ZDHHC11B: variants seen among roughly 807,000 people sequenced by gnomAD.
ZDHHC11B encodes the protein probable palmitoyltransferase ZDHHC11B.
In ZDHHC11B, 17 loss-of-function variants were observed where a neutral mutation model predicts 42.3. That is an observed-to-expected ratio of 0.40 (90% confidence interval 0.27 to 0.60). ZDHHC11B has a LOEUF of 0.60. Among genes scored for constraint, ZDHHC11B ranks in the 20% least tolerant of loss-of-function variants. The pLI is 0.41. For synonymous variants in ZDHHC11B, 123 were observed against 193.5 expected (o/e 0.64, Z 3.02); for missense variants, 262 against 463.2 (o/e 0.57, Z 3.99).
intron 12 of ZDHHC11B, among the ~76,000 whole-genome samples, chr5:724,832 T>TGGAA (rs1267026462): frequency 6.7e-6 from 1 of 148,194 alleles, no homozygotes; most frequent in East Asian, 2.0e-4. Flanking sequence ...ACCCAGCACC[T>TGGAA]GGAAGCGACC....
intron 4 of ZDHHC11B, among the ~76,000 whole-genome samples, chr5:759,846 G>T (rs1440083662): frequency 2.6e-5 from 4 of 151,874 alleles, no homozygotes; most frequent in Non-Finnish European, 5.9e-5. Flanking sequence ...GAGCCGCCCG[G>T]GTCCCTGCAG....
At chr5:742,366 C>T (rs1439656124) in intron 9 of ZDHHC11B, among the ~76,000 whole-genome samples, 1 of 146,164 alleles carries the variant, frequency 6.8e-6, no homozygotes, top group African/African-American at 2.5e-5. Context: ...ACTTTGAAAG[C>T]TCTTTGTGTC....
At chr5:743,370 A>G (rs1366375185) in intron 9 of ZDHHC11B, among the ~76,000 whole-genome samples, 1 of 148,602 alleles carries the variant, frequency 6.7e-6, no homozygotes, top group Non-Finnish European at 1.5e-5. Context: ...TCTCAAAATC[A>G]TTTGGCTAGT....
At chr5:777,813 G>A (rs1736655612) in intron 1 of ZDHHC11B, among the ~76,000 whole-genome samples, 1 of 151,992 alleles carries the variant, frequency 6.6e-6, no homozygotes, top group South Asian at 2.1e-4. Context: ...CGCCAGTACT[G>A]CGCCACGCGC....
At chr5:725,060 G>T (rs1234633984) in intron 12 of ZDHHC11B, among the ~76,000 whole-genome samples, 1 of 151,024 alleles carries the variant, frequency 6.6e-6, no homozygotes, top group Non-Finnish European at 1.5e-5. Flanking sequence ...TAACCCCAGC[G>T]TTGTGTGTCA....
intron 1 of ZDHHC11B, among the ~76,000 whole-genome samples, chr5:772,335 C>T (rs1488323968): frequency 1.0e-4 from 15 of 147,060 alleles, no homozygotes; most frequent in African/African-American, 3.1e-4. Context: ...CATGAGAGCA[C>T]GGTGGGGGCC....
At chr5:724,191 G>A (rs1374331091) in intron 12 of ZDHHC11B, among the ~76,000 whole-genome samples, 4 of 150,724 alleles carry the variant, frequency 2.7e-5, no homozygotes, top group African/African-American at 7.4e-5. Flanking sequence ...ACACACTTAC[G>A]TGTTCCATCT....
rs1162923385 is a variant in ZDHHC11B, at chr5:723,088, C to T, written c.1059-6223G>A. 4.1e-5 allele frequency among the ~76,000 whole-genome samples: 5 copies of T among 120,558 alleles called. 1 individual carries two copies. The highest frequency in any genetic ancestry group is 1.8e-4 in the African/African-American group (5 of 27,356). The allele number at this position is 120,558 out of a possible 152,430, so 79.1% of individuals were successfully genotyped here. A position where few individuals can be genotyped will look rare whatever the true frequency, so the allele number is the denominator to read the frequency against. ...CAAGGACTTGGAATGGGGGCCCCAT[C>T]AACAGATAAAGATGATTCAGACTCC... On this transcript the variant is annotated intron_variant, in intron 12 of 13. Coordinates refer to ENST00000508859, the MANE Select transcript of ZDHHC11B (RefSeq NM_001351303.2).
Position 776,325 on chromosome 5 carries a change from C to A in ZDHHC11B, c.-229-7395G>T, listed in dbSNP as rs1290394820. Among the ~76,000 whole-genome samples, 74 of 152,022 alleles carry A rather than the reference C, an allele frequency of 4.9e-4. 1 individual carries two copies. Among genetic ancestry groups the A allele is most frequent in the African/African-American group, 1.8e-3 (74 of 41,460 alleles). Reference sequence around the variant, plus strand: ...TGGCACCGAAGCCCTGGGATGGCCCCTCTGCAACGCCCAGTGCTCCATCAT... The same window carrying A: ...TGGCACCGAAGCCCTGGGATGGCCCATCTGCAACGCCCAGTGCTCCATCAT... On this transcript the variant is annotated intron_variant, in intron 1 of 13. Transcript: ENST00000508859.
In ZDHHC11B at chr5:733,822, G is replaced by A. The variant is rs778525352; in HGVS notation, c.953C>T (p.Ser318Phe). The A allele has an allele frequency of 5.6e-6, 9 of 1,608,334 alleles. No homozygotes were observed. Among genetic ancestry groups the A allele is most frequent in the South Asian group, 4.4e-5 (4 of 90,890 alleles). ...SSAQGVKAKS[S>F]LLIYKCPCHF... ...ACATGGGCATTTGTAAATCAGCAGG[G>A]AGCTCTTGGCCTTGACTCTGGTGGG... Residue 318 changes from serine to phenylalanine, a missense_variant, in exon 11 of 14, where the codon TCC (serine) becomes TTC (phenylalanine). Physicochemically the swap from Ser to Phe is radical, Grantham distance 155. Around this residue, in one of 5 missense-constraint regions of ZDHHC11B, gnomAD observed 75 missense variants for 70.1 expected, o/e 1.07. Coordinates refer to ENST00000508859, the MANE Select transcript of ZDHHC11B (RefSeq NM_001351303.2).
intron 4 of ZDHHC11B, among the ~76,000 whole-genome samples, chr5:757,060 C>G (rs1479711962): frequency 6.6e-6 from 1 of 151,836 alleles, no homozygotes; most frequent in African/African-American, 2.4e-5. Context: ...AGCTTCCGCC[C>G]TCAGATACTG....
At chr5:766,976 A>G (rs759018143) in intron 3 of ZDHHC11B, 57 bp from the exon 4 acceptor site, 29 of 1,575,422 alleles carry the variant, frequency 1.8e-5, no homozygotes, top group Middle Eastern at 1.7e-4. Context: ...GGCCGGCCCC[A>G]CCCACTGTCA....
Position 743,332 on chromosome 5 carries a change from G to A in ZDHHC11B, c.901-1704C>T, listed in dbSNP as rs576312491. 3.4e-5 allele frequency among the ~76,000 whole-genome samples: 5 copies of A among 149,222 alleles called. 1 individual carries two copies. In the East Asian group the frequency reaches 1.0e-3, roughly 31 times the overall value. ...GCTTTATAGTAACATTTAAAGTCTGGTTGTGTAAGTTCTCCAATTTTATTT... is the reference window on the plus strand; with the variant it reads ...GCTTTATAGTAACATTTAAAGTCTGATTGTGTAAGTTCTCCAATTTTATTT... On this transcript the variant is annotated intron_variant, in intron 9 of 13. Transcript: ENST00000508859.
At chr5:765,411 G>C (rs79366234) in intron 4 of ZDHHC11B, among the ~76,000 whole-genome samples, 4 of 151,654 alleles carry the variant, frequency 2.6e-5, no homozygotes, top group East Asian at 1.9e-4. Flanking sequence ...GTGCTCTGTG[G>C]GGACTTGGAG....
Position 761,140 on chromosome 5 carries a change from T to C in ZDHHC11B, c.223-4996A>G, listed in dbSNP as rs565331807. On this transcript the variant is annotated intron_variant, in intron 4 of 13. Coordinates refer to ENST00000508859, the MANE Select transcript of ZDHHC11B (RefSeq NM_001351303.2). ...AGCACATCTGGGGGCTGTTGGAGAA[T>C]GTTGGCGTGGACTGCCTTGACCACG... 1.2e-3 allele frequency among the ~76,000 whole-genome samples: 179 copies of C among 151,944 alleles called. 3 individuals are homozygous for C. Among genetic ancestry groups the C allele is most frequent in the South Asian group, 4.6e-3 (22 of 4,794 alleles).
At chr5:761,779 C>G (rs1734644905) in intron 4 of ZDHHC11B, among the ~76,000 whole-genome samples, 1 of 148,110 alleles carries the variant, frequency 6.8e-6, no homozygotes, top group African/African-American at 2.5e-5. Context: ...TTCCCTAAAT[C>G]CCTTAGGATT....
At position 764,414 on chromosome 5, in the gene ZDHHC11B, T is replaced by C. The variant is rs141603095; in HGVS notation, c.222+2284A>G. ...AGAGGCACAGGCGGGAACCCAGCAC[T>C]AGTTCGGGGTGGGCATGGGCTCAGC... On this transcript the variant is annotated intron_variant, in intron 4 of 13. Coordinates refer to ENST00000508859, the MANE Select transcript of ZDHHC11B (RefSeq NM_001351303.2). Among the ~76,000 whole-genome samples, 953 of 149,528 alleles carry C rather than the reference T, an allele frequency of 6.4e-3. 28 individuals carry two copies. The highest frequency in any genetic ancestry group is 0.022 in the African/African-American group (910 of 41,032).
intron 1 of ZDHHC11B, among the ~76,000 whole-genome samples, chr5:769,544 G>T (rs1437000966): frequency 7.2e-5 from 11 of 152,034 alleles, no homozygotes; most frequent in African/African-American, 1.9e-4. Context: ...AGGCATGCGG[G>T]TGAGAGCGAG....
intron 8 of ZDHHC11B, among the ~76,000 whole-genome samples, chr5:745,810 G>A (rs562838573): frequency 1.3e-5 from 2 of 149,954 alleles, no homozygotes; most frequent in Admixed American, 6.7e-5. Context: ...GGAGGACCAC[G>A]CAGTGGGGCG....
Sources: allele counts gnomAD v4.1 joint callset (sites outside exome capture counted in the v4.1 genomes callset), GRCh38; gene constraint gnomAD v4.1.1; regional missense constraint gnomAD v4.1.1; transcripts MANE v1.5; gene names NCBI Gene and HGNC (gene_info 2026-07-23, HGNC 2026-07-21).